The following PAK5 variants were observed in gnomAD, a reference collection of about 807,000 sequenced individuals.
The protein encoded by PAK5 is p21 (RAC1) activated kinase 5.
In PAK5, 16 loss-of-function variants were observed where a neutral mutation model predicts 65.9. The ratio of observed to expected loss-of-function variants is 0.24; its 90% CI spans 0.16 to 0.37. PAK5 has a LOEUF of 0.37. Ranked by LOEUF, PAK5 falls within the 10% of genes least tolerant of loss-of-function variation. The pLI, the probability that PAK5 is intolerant of heterozygous loss-of-function variation, is 1.00. For synonymous variants in PAK5, 371 were observed against 354.9 expected, an observed-to-expected ratio of 1.05 and a Z score of -0.51; for missense variants, 785 against 903.9, an observed-to-expected ratio of 0.87 and a Z score of 1.69.
At chr20:9,574,819 T>C (rs968675073) in intron 4 of PAK5, among the ~76,000 whole-genome samples, 6 of 152,144 alleles carry the variant, frequency 3.9e-5, no homozygotes, top group Admixed American at 6.5e-5. Flanking sequence ...AATATATCCA[T>C]TGTTATATTA....
intron 3 of PAK5, among the ~76,000 whole-genome samples, chr20:9,617,149 C>G (rs1266640276): frequency 6.6e-6 from 1 of 152,180 alleles, no homozygotes; most frequent in African/African-American, 2.4e-5. Context: ...AATTAAAATG[C>G]AAATTCGATT....
chr20:9,727,834 C>T (rs2048293305), intron 1 of PAK5, among the ~76,000 whole-genome samples: 1 of 152,032 alleles, frequency 6.6e-6, no homozygotes, highest in African/African-American at 2.4e-5. Context: ...GTCCTGTGTA[C>T]ATGTTCTTAT....
intron 1 of PAK5, among the ~76,000 whole-genome samples, chr20:9,730,518 T>C (rs1431318061): frequency 6.6e-6 from 1 of 152,244 alleles, no homozygotes; most frequent in East Asian, 1.9e-4. Flanking sequence ...GTATTTATCA[T>C]TTCTTCTGCG....
chr20:9,701,099 C>T (rs937012110), intron 2 of PAK5, among the ~76,000 whole-genome samples: 6 of 152,084 alleles, frequency 3.9e-5, no homozygotes, highest in South Asian at 2.1e-4. Flanking sequence ...TGCCTTACAC[C>T]GTGTGGTCTC....
chr20:9,569,266 A>T (rs1307578211), intron 4 of PAK5, among the ~76,000 whole-genome samples: 2 of 152,162 alleles, frequency 1.3e-5, no homozygotes, highest in Admixed American at 1.3e-4. Flanking sequence ...TAGCCATGTA[A>T]AGTTTGGGAG....
intron 1 of PAK5, among the ~76,000 whole-genome samples, chr20:9,741,310 G>C (rs371068046): frequency 1.3e-5 from 2 of 152,026 alleles, no homozygotes; most frequent in African/African-American, 4.8e-5. Context: ...ATACCTTAAT[G>C]AATTGTGCAC....
At chr20:9,544,550 A>T (rs890350210) in intron 7 of PAK5, 56 bp from the exon 8 acceptor site, 2 of 1,519,672 alleles carry the variant, frequency 1.3e-6, no homozygotes, top group Non-Finnish European at 9.1e-7. Context: ...TCTGCTAGAC[A>T]CGAAAATACA....
intron 1 of PAK5, among the ~76,000 whole-genome samples, chr20:9,785,468 G>C (rs998162678): frequency 1.3e-5 from 2 of 152,114 alleles, no homozygotes; most frequent in Admixed American, 1.3e-4. Context: ...CATCTGTTTT[G>C]CCAACTTTTC....
intron 2 of PAK5, among the ~76,000 whole-genome samples, chr20:9,693,388 C>T (rs1020975089): frequency 6.6e-6 from 1 of 151,922 alleles, no homozygotes; most frequent in Admixed American, 6.6e-5. Flanking sequence ...TCTCTCCCTC[C>T]TCCCTTCTGC....
Position 9,722,246 on chromosome 20 carries a change from G to A in PAK5, c.-161-10811C>T, listed in dbSNP as rs181650576. ...GGCCAGGGAGTTAGCATGTACAAAT[G>A]TCCTGAGGTTATCAATGTTTATAAA... On this transcript the variant is annotated intron_variant, in intron 1 of 9. Coordinates refer to ENST00000353224, the MANE Select transcript of PAK5 (RefSeq NM_177990.4). 1.2e-4 allele frequency among the ~76,000 whole-genome samples: 19 copies of A among 152,248 alleles called. No individual in the cohort carries two copies. In the East Asian group the frequency reaches 3.7e-3, roughly 29 times the overall value.
chr20:9,752,090 G>A, intron 1 of PAK5, among the ~76,000 whole-genome samples: 1 of 152,130 alleles, frequency 6.6e-6, no homozygotes, highest in East Asian at 1.9e-4. Context: ...AGTACACAAA[G>A]CTACACAGCG....
intron 1 of PAK5, among the ~76,000 whole-genome samples, chr20:9,833,175 C>T (rs1041147330): frequency 1.3e-5 from 2 of 152,162 alleles, no homozygotes; most frequent in African/African-American, 2.4e-5. Context: ...TAGTTGAATG[C>T]TTTCTATACA....
At chr20:9,691,663 A>G (rs1236723772) in intron 2 of PAK5, among the ~76,000 whole-genome samples, 2 of 152,146 alleles carry the variant, frequency 1.3e-5, no homozygotes, top group Non-Finnish European at 2.9e-5. Flanking sequence ...ATATTCACAA[A>G]TAAGTCACAA....
At chr20:9,555,720 G>A (rs955702644) in intron 7 of PAK5, among the ~76,000 whole-genome samples, 6 of 152,288 alleles carry the variant, frequency 3.9e-5, no homozygotes, top group African/African-American at 1.4e-4. Context: ...TCAAGAGGCA[G>A]AGTTTATATC....
chr20:9,618,670 C>G (rs1297738449), intron 3 of PAK5, among the ~76,000 whole-genome samples: 1 of 151,746 alleles, frequency 6.6e-6, no homozygotes, highest in Non-Finnish European at 1.5e-5. Context: ...ACCTTGGCCT[C>G]CCAAAGTGCT....
rs1477404362 is a variant in PAK5 at position 9,580,350 on chromosome 20, T to C, written c.785A>G (p.Asp262Gly). 1 of 1,613,988 alleles carries C rather than the reference T, an allele frequency of 6.2e-7. No individual in the cohort carries two copies. The highest frequency in any genetic ancestry group is 8.5e-7 in the Non-Finnish European group (1 of 1,180,026). The change falls in exon 4 of 10, where the codon GAT becomes GGT. Residue 262 changes from aspartate to glycine, a missense_variant. Coordinates refer to ENST00000353224, the MANE Select transcript of PAK5 (RefSeq NM_177990.4). ...YSESEWGPSL[D>G]DYDRRPKSSY... is the part of the protein sequence containing the mutation. ...AGACTTTGGCCTCCTGTCATAGTCA[T>C]CCAGGCTGGGTCCCCATTCACTTTC...
At chr20:9,757,741 T>C (rs2048651524) in intron 1 of PAK5, among the ~76,000 whole-genome samples, 1 of 152,168 alleles carries the variant, frequency 6.6e-6, no homozygotes, top group East Asian at 1.9e-4. Flanking sequence ...CCAAGAACAT[T>C]TTTATGCACA....
At chr20:9,749,595 G>A in intron 1 of PAK5, among the ~76,000 whole-genome samples, 1 of 152,146 alleles carries the variant, frequency 6.6e-6, no homozygotes, top group East Asian at 1.9e-4. Context: ...TTAATGGGAA[G>A]TCATATTATT....
chr20:9,538,397 AG>A lies in PAK5; in HGVS notation c.*1064del. ...AATATAGACAAGAGTTTGGTGTGCT[AG>A]CATACAGAGTTTTAAAAATGGTGAC... On this transcript the variant is annotated 3_prime_UTR_variant, in exon 10 of 10. Coordinates refer to ENST00000353224, the MANE Select transcript of PAK5 (RefSeq NM_177990.4). 4.3e-6 allele frequency: 1 copy of A among 233,640 alleles called. No individual in the cohort carries two copies. Among genetic ancestry groups the A allele is most frequent in the Non-Finnish European group, 8.5e-6 (1 of 118,020 alleles). The allele number at this position is 233,640 out of a possible 1,614,324, so 14.5% of individuals were successfully genotyped here.
Sources: gnomAD v4.1 joint callset for allele counts (sites outside exome capture counted in the v4.1 genomes callset) on GRCh38, gnomAD v4.1.1 for gene constraint, MANE v1.5 for transcripts, NCBI Gene and HGNC (gene_info 2026-07-23, HGNC 2026-07-21) for gene names.